The following DCAF6 variants were observed in gnomAD, a reference collection of about 807,000 sequenced individuals.
The protein encoded by DCAF6 is DDB1- and CUL4-associated factor 6.
DCAF6 carries 54 observed loss-of-function variants against 125.1 expected under a neutral mutation model. The observed-to-expected ratio is 0.43, with a 90% CI of 0.35 to 0.54. The LOEUF (loss-of-function observed/expected upper bound fraction) is 0.54. DCAF6 is among the 20% of genes least tolerant of loss of function. The pLI, the probability that DCAF6 is intolerant of heterozygous loss-of-function variation, is 0.01. For missense variants in DCAF6, 934 were observed against 1,161.7 expected (o/e 0.80, Z 2.85); for synonymous variants, 371 against 390.4 (o/e 0.95, Z 0.58).
chr1:168,013,141 A>G (rs1684521611), intron 10 of DCAF6, among the ~76,000 whole-genome samples: 2 of 152,184 alleles, frequency 1.3e-5, no homozygotes, highest in Admixed American at 1.3e-4. Context: ...GCTGACTATA[A>G]ATAAGGTGTC....
At chr1:167,946,328 AT>A (rs1557876182) in intron 1 of DCAF6, among the ~76,000 whole-genome samples, 1 of 152,154 alleles carries the variant, frequency 6.6e-6, no homozygotes, top group Non-Finnish European at 1.5e-5. Context: ...AACAGGGATA[AT>A]TTGACTCCTT....
the DCAF6 span, chr1:167,896,812 A>C: frequency 1.4e-6 from 1 of 704,658 alleles, no homozygotes; most frequent in Non-Finnish European, 2.5e-6. Context: ...ACACTTAAAC[A>C]CCAAGACTAT....
the DCAF6 span, chr1:167,880,420 C>T: frequency 2.3e-5 from 27 of 1,152,900 alleles, no homozygotes; most frequent in South Asian, 3.3e-4. Context: ...TTTCCTGTTC[C>T]CTGCATGCCC....
chr1:167,941,589 A>G (rs1041180669), intron 1 of DCAF6, among the ~76,000 whole-genome samples: 2 of 152,216 alleles, frequency 1.3e-5, no homozygotes, highest in African/African-American at 2.4e-5. Flanking sequence ...TATTGTTACA[A>G]CTGTTGGTGT....
At chr1:167,991,167 T>C in intron 5 of DCAF6, 37 bp from the exon 6 acceptor site, 1 of 1,553,518 alleles carries the variant, frequency 6.4e-7, no homozygotes, top group Non-Finnish European at 8.7e-7. Context: ...CTCTGCTGTA[T>C]AACTATATGT....
chr1:167,935,580 T>G (rs900643176), upstream of DCAF6, among the ~76,000 whole-genome samples: 1 of 151,646 alleles, frequency 6.6e-6, no homozygotes, highest in African/African-American at 2.4e-5. Flanking sequence ...GAGGGTGAAA[T>G]GCACAGGCTA....
At chr1:168,064,655 AAGTT>A (rs1160779783) in intron 18 of DCAF6, among the ~76,000 whole-genome samples, 1 of 152,224 alleles carries the variant, frequency 6.6e-6, no homozygotes, top group African/African-American at 2.4e-5. Flanking sequence ...TATTGCCTAA[AAGTT>A]AGCATGAAAA....
At chr1:167,960,720 A>G (rs887412669) in intron 2 of DCAF6, among the ~76,000 whole-genome samples, 5 of 152,186 alleles carry the variant, frequency 3.3e-5, no homozygotes, top group African/African-American at 1.2e-4. Flanking sequence ...TAAATTTGTT[A>G]AAGTGTATTT....
the DCAF6 span, among the ~76,000 whole-genome samples, chr1:167,882,773 G>A: frequency 6.6e-6 from 1 of 152,126 alleles, no homozygotes; most frequent in East Asian, 1.9e-4. Flanking sequence ...GACTGCCTGG[G>A]TTTGAATCCC....
chr1:167,865,280 T>A, the DCAF6 span, among the ~76,000 whole-genome samples: 1 of 152,176 alleles, frequency 6.6e-6, no homozygotes, highest in South Asian at 2.1e-4. Flanking sequence ...AGTTTTAAAA[T>A]GTTAATTGTA....
At chr1:168,003,766 T>A (rs1682957957) in intron 8 of DCAF6, 104 bp from the exon 9 acceptor site, 2 of 1,060,110 alleles carry the variant, frequency 1.9e-6, no homozygotes, top group Non-Finnish European at 1.3e-6. Flanking sequence ...ATTTGATTTT[T>A]AAAAATATGC....
At chr1:167,965,855 G>A (rs913327934) in intron 2 of DCAF6, among the ~76,000 whole-genome samples, 15 of 152,042 alleles carry the variant, frequency 9.9e-5, no homozygotes, top group Admixed American at 3.9e-4. Context: ...GGCTGGTCTC[G>A]AACCTCTGAC....
At chr1:168,055,978 G>A (rs1167902307) in intron 17 of DCAF6, 2 of 1,603,170 alleles carry the variant, frequency 1.2e-6, no homozygotes, top group Non-Finnish European at 1.7e-6. Context: ...GGGTTACTCA[G>A]TGTCATCTTG....
At chr1:168,057,735 A>G (rs927140938) in intron 17 of DCAF6, among the ~76,000 whole-genome samples, 5 of 152,194 alleles carry the variant, frequency 3.3e-5, no homozygotes, top group Admixed American at 3.3e-4. Context: ...AGGGCTTTGC[A>G]GGGCTTTGAG....
intron 12 of DCAF6, among the ~76,000 whole-genome samples, chr1:168,025,432 A>G (rs1557994422): frequency 6.6e-6 from 1 of 152,164 alleles, no homozygotes; most frequent in Non-Finnish European, 1.5e-5. Context: ...TTGCTATGTA[A>G]GAGGTTAGTA....
chr1:168,038,213 C>A (rs1426959911), intron 12 of DCAF6, among the ~76,000 whole-genome samples, 158 bp from the exon 13 acceptor site: 1 of 152,126 alleles, frequency 6.6e-6, no homozygotes, highest in Admixed American at 6.5e-5. Context: ...AAGAGTATTT[C>A]CACAACACAT....
At chr1:167,973,481 G>T (rs1448478851) in intron 3 of DCAF6, among the ~76,000 whole-genome samples, 1 of 152,034 alleles carries the variant, frequency 6.6e-6, no homozygotes. Flanking sequence ...TGAATCGGTT[G>T]TTGTAATGTC....
At chr1:167,965,605 C>G (rs930045520) in intron 2 of DCAF6, among the ~76,000 whole-genome samples, 1 of 152,064 alleles carries the variant, frequency 6.6e-6, no homozygotes, top group African/African-American at 2.4e-5. Context: ...GCACCATACC[C>G]CCACCGCATG....
chr1:167,876,982 C>A, the DCAF6 span, among the ~76,000 whole-genome samples: 1 of 152,264 alleles, frequency 6.6e-6, no homozygotes. Flanking sequence ...GGCCAACAGT[C>A]TGTTGAACCC....
Sources: allele counts gnomAD v4.1 joint callset (sites outside exome capture counted in the v4.1 genomes callset), GRCh38; gene constraint gnomAD v4.1.1; transcripts MANE v1.5; gene names NCBI Gene and HGNC (gene_info 2026-07-23, HGNC 2026-07-21).